The following CBLB variants were observed in gnomAD, a reference collection of about 807,000 sequenced individuals.
CBLB encodes the protein E3 ubiquitin-protein ligase CBL-B.
Under a neutral mutation model 104.9 loss-of-function variants are expected in CBLB, and 31 were observed. The ratio of observed to expected loss-of-function variants is 0.30; its 90% CI spans 0.22 to 0.40. The LOEUF (loss-of-function observed/expected upper bound fraction) is 0.40, where lower values mean the gene tolerates loss of function less well. Among genes scored for constraint, CBLB ranks in the 10% least tolerant of loss-of-function variants. The pLI, the probability that CBLB is intolerant of heterozygous loss-of-function variation, is 1.00. For missense variants in CBLB, 1,062 were observed against 1,214.6 expected, an observed-to-expected ratio of 0.87 and a Z score of 1.87; for synonymous variants, 440 against 422.6, an observed-to-expected ratio of 1.04 and a Z score of -0.51.
chr3:105,747,069 C>T (rs1350969559), intron 5 of CBLB, among the ~76,000 whole-genome samples: 1 of 152,136 alleles, frequency 6.6e-6, no homozygotes, highest in Non-Finnish European at 1.5e-5. Context: ...CTGTATCATT[C>T]TCTCTTTAAT....
chr3:105,750,674 T>C (rs547052658), intron 5 of CBLB, among the ~76,000 whole-genome samples: 1 of 152,294 alleles, frequency 6.6e-6, no homozygotes, highest in African/African-American at 2.4e-5. Flanking sequence ...TTAAGATAAT[T>C]CCATTAAGGC....
At chr3:105,681,143 A>G (rs1368969220) in intron 16 of CBLB, 2 of 364,244 alleles carry the variant, frequency 5.5e-6, no homozygotes, top group Non-Finnish European at 9.8e-6. Context: ...ATTTATTAAG[A>G]ATTATTATAC....
At chr3:105,844,561 A>G (rs1007003621) in intron 3 of CBLB, among the ~76,000 whole-genome samples, 2 of 152,238 alleles carry the variant, frequency 1.3e-5, no homozygotes, top group Admixed American at 6.5e-5. Context: ...TGTTTACAGC[A>G]CATCTATGAA....
intron 17 of CBLB, chr3:105,671,831 T>A (rs2065090974): frequency 5.2e-6 from 1 of 193,482 alleles, no homozygotes; most frequent in African/African-American, 2.3e-5. Flanking sequence ...AAATAACTCT[T>A]AGATTTTGAG....
At chr3:105,670,888 C>T (rs1459496291) in intron 17 of CBLB, 1 of 159,774 alleles carries the variant, frequency 6.3e-6, no homozygotes, top group African/African-American at 2.4e-5. Flanking sequence ...ATACAAGGTG[C>T]TTATTATTAT....
At chr3:105,794,356 A>T (rs1362649375) in intron 3 of CBLB, among the ~76,000 whole-genome samples, 1 of 152,200 alleles carries the variant, frequency 6.6e-6, no homozygotes, top group Admixed American at 6.5e-5. Context: ...AATACTACTT[A>T]ATTACTGTAA....
At chr3:105,850,221 T>C (rs993096512) in intron 3 of CBLB, among the ~76,000 whole-genome samples, 6 of 152,084 alleles carry the variant, frequency 3.9e-5, no homozygotes, top group African/African-American at 1.2e-4. Context: ...ATTATAAATA[T>C]ATAATTATGC....
At position 105,681,471 on chromosome 3, in the gene CBLB, G is replaced by T. The variant is rs199910538; in HGVS notation, c.2428+8C>A. The T allele has an allele frequency of 1.1e-5, 17 of 1,613,852 alleles. No individual in the cohort carries two copies. The highest frequency in any genetic ancestry group is 1.4e-5 in the Non-Finnish European group (16 of 1,179,766). On this transcript the variant is annotated splice_region_variant and intron_variant, in intron 16 of 18. Coordinates refer to ENST00000394030, the MANE Select transcript of CBLB (RefSeq NM_170662.5). ...TGGGTTGTTCAAAACTTTTTTAAAG[G>T]TTTCAACCTAATGGAGGGATGAGAA...
chr3:105,745,689 C>T (rs1261857506), intron 6 of CBLB, among the ~76,000 whole-genome samples: 1 of 152,078 alleles, frequency 6.6e-6, no homozygotes, highest in Non-Finnish European at 1.5e-5. Context: ...ATCATGAAAA[C>T]AGAAAGGAGA....
intron 6 of CBLB, among the ~76,000 whole-genome samples, chr3:105,744,228 G>C (rs1054015866): frequency 6.6e-6 from 1 of 151,568 alleles, no homozygotes; most frequent in Non-Finnish European, 1.5e-5. Flanking sequence ...TCTATGATTG[G>C]ACAAGAAAAT....
At chr3:105,704,972 A>T (rs190981287) in intron 10 of CBLB, among the ~76,000 whole-genome samples, 1 of 152,278 alleles carries the variant, frequency 6.6e-6, no homozygotes, top group East Asian at 1.9e-4. Flanking sequence ...TCTATTTGTT[A>T]TAAAAGCCAT....
chr3:105,867,313 A>T, intron 2 of CBLB, 97 bp downstream of exon 2: 2 of 1,115,930 alleles, frequency 1.8e-6, no homozygotes, highest in Non-Finnish European at 2.7e-6. Flanking sequence ...TTGTTGCCAT[A>T]ACAATGGTTG....
intron 10 of CBLB, among the ~76,000 whole-genome samples, chr3:105,710,075 T>C (rs1343675534): frequency 1.3e-5 from 2 of 151,956 alleles, no homozygotes; most frequent in Non-Finnish European, 2.9e-5. Flanking sequence ...TCCACTAATT[T>C]CCTCTTTGTT....
rs760695411 is a variant in CBLB at position 105,834,243 on chromosome 3, G to GA, written c.419+19170dup. Among the ~76,000 whole-genome samples, 129 of 151,948 alleles carry GA rather than the reference G, an allele frequency of 8.5e-4. 1 individual carries two copies. The highest frequency in any genetic ancestry group is 1.2e-3 in the Non-Finnish European group (80 of 67,904). On this transcript the variant is annotated intron_variant, in intron 3 of 18. Transcript: ENST00000394030. ...TTAAATGTTCTCACCAGTTAAAAAAGAAAAAAAGTAAGTATGGGAAGTAAT... is the reference window on the plus strand; with the variant it reads ...TTAAATGTTCTCACCAGTTAAAAAAGAAAAAAAAGTAAGTATGGGAAGTAAT...
At chr3:105,729,509 C>G (rs1315089323) in intron 9 of CBLB, among the ~76,000 whole-genome samples, 1 of 151,980 alleles carries the variant, frequency 6.6e-6, no homozygotes, top group East Asian at 1.9e-4. Flanking sequence ...AAAACAAAAA[C>G]AATGTCTTTA....
intron 3 of CBLB, among the ~76,000 whole-genome samples, chr3:105,800,055 C>T (rs193077190): frequency 1.3e-5 from 2 of 152,126 alleles, no homozygotes; most frequent in Non-Finnish European, 2.9e-5. Flanking sequence ...CATTTGATAA[C>T]AAGTCTGAAG....
intron 3 of CBLB, among the ~76,000 whole-genome samples, chr3:105,780,662 T>TG (rs2080113208): frequency 8.8e-6 from 1 of 113,800 alleles, no homozygotes; most frequent in African/African-American, 3.5e-5. Context: ...TGTTTTTTGT[T>TG]TTTTTTTTTT....
At chr3:105,690,349 C>T (rs982168826) in intron 13 of CBLB, among the ~76,000 whole-genome samples, 1 of 152,104 alleles carries the variant, frequency 6.6e-6, no homozygotes, top group African/African-American at 2.4e-5. Context: ...GTTCTAAGAC[C>T]ATCCACAGCC....
At chr3:105,691,199 A>G (rs921148609) in intron 13 of CBLB, among the ~76,000 whole-genome samples, 1 of 152,238 alleles carries the variant, frequency 6.6e-6, no homozygotes, top group Admixed American at 6.5e-5. Context: ...TAAACTGGAG[A>G]GATAACTGTG....
Sources: gnomAD v4.1 joint callset for allele counts (sites outside exome capture counted in the v4.1 genomes callset) on GRCh38, gnomAD v4.1.1 for gene constraint, MANE v1.5 for transcripts, NCBI Gene and HGNC (gene_info 2026-07-23, HGNC 2026-07-21) for gene names.